Variants in MYBL1 observed in about 807,000 individuals in gnomAD.
The protein encoded by MYBL1 is myb-related protein A.
Under a neutral mutation model 96.3 loss-of-function variants are expected in MYBL1, and 17 were observed. The observed-to-expected ratio is 0.18, with a 90% confidence interval of 0.12 to 0.26. MYBL1 has a LOEUF of 0.26. MYBL1 is among the 10% of genes least tolerant of loss of function. The pLI, the probability that MYBL1 is intolerant of heterozygous loss-of-function variation, is 1.00. For missense variants in MYBL1, 701 were observed against 882.9 expected, an observed-to-expected ratio of 0.79 and a Z score of 2.61; for synonymous variants, 282 against 292.7, an observed-to-expected ratio of 0.96 and a Z score of 0.37.
chr8:66,579,001 G>A (rs1322103475), intron 9 of MYBL1, among the ~76,000 whole-genome samples: 3 of 152,110 alleles, frequency 2.0e-5, no homozygotes, highest in South Asian at 2.1e-4. Flanking sequence ...AACACTGCAT[G>A]TTCTCACTCA....
At chr8:66,607,879 G>C (rs935684417) in intron 1 of MYBL1, among the ~76,000 whole-genome samples, 1 of 152,094 alleles carries the variant, frequency 6.6e-6, no homozygotes, top group Non-Finnish European at 1.5e-5. Context: ...TAGCCCTCAG[G>C]CATGCTTTTC....
chr8:66,605,248 T>C (rs1810266938), intron 1 of MYBL1, among the ~76,000 whole-genome samples: 1 of 152,162 alleles, frequency 6.6e-6, no homozygotes, highest in Non-Finnish European at 1.5e-5. Context: ...TAGCCACAGT[T>C]CAAGAGCTCA....
At chr8:66,612,439 C>T (rs1810567785) in intron 1 of MYBL1, 1 of 254,450 alleles carries the variant, frequency 3.9e-6, no homozygotes, top group South Asian at 1.7e-4. Flanking sequence ...CGCCCGAACA[C>T]CATTTTCAAG....
intron 1 of MYBL1, among the ~76,000 whole-genome samples, chr8:66,605,411 A>G (rs1415111815): frequency 6.6e-6 from 1 of 152,220 alleles, no homozygotes; most frequent in Non-Finnish European, 1.5e-5. Context: ...GACCCAAGGA[A>G]AATTAATAAA....
rs529020525 is a variant in MYBL1, at chr8:66,566,856, C to T, written c.1845+20G>A. 151 of 1,593,928 alleles carry T rather than the reference C, an allele frequency of 9.5e-5. No homozygotes were observed. In the East Asian group the frequency reaches 3.3e-3, roughly 34 times the overall value. On this transcript the variant is annotated intron_variant, in intron 13 of 15. Transcript: ENST00000522677. ...TTGGATACAATAAGACTTTTATTAA[C>T]AATAATACTAGAAGATTACCTCTTG...
At chr8:66,573,644 T>C in intron 10 of MYBL1, 138 bp from the exon 11 acceptor site, 6 of 725,586 alleles carry the variant, frequency 8.3e-6, no homozygotes, top group Admixed American at 4.0e-5. Context: ...TTATACTCCA[T>C]GGAAATTATG....
chr8:66,564,840 T>G lies in MYBL1; in HGVS notation c.2131-15A>C. On this transcript the variant is annotated splice_polypyrimidine_tract_variant and intron_variant, in intron 15 of 15. Coordinates refer to ENST00000522677, the MANE Select transcript of MYBL1 (RefSeq NM_001080416.4). ...TCACAATTTGACTAGAAAGGAAATATTAATAGTGACATGAAAATTATTAAA... is the reference window on the plus strand; with the variant it reads ...TCACAATTTGACTAGAAAGGAAATAGTAATAGTGACATGAAAATTATTAAA... The G allele has an allele frequency of 6.5e-7, 1 of 1,530,980 alleles. No homozygotes were observed. Among genetic ancestry groups the G allele is most frequent in the African/African-American group, 1.4e-5 (1 of 73,166 alleles). 94.8% of individuals were successfully genotyped at this position (1,530,980 alleles called of 1,614,324 possible). A position where few individuals can be genotyped will look rare whatever the true frequency, so the allele number is the denominator to read the frequency against.
At position 66,562,192 on chromosome 8, in the gene MYBL1, G is replaced by A. The variant is rs189404028; in HGVS notation, c.*2505C>T. On this transcript the variant is annotated 3_prime_UTR_variant, in exon 16 of 16. Transcript: ENST00000522677. Reference sequence around the variant, plus strand: ...ATGCCAAGTCAGCTTGTACACAGATGCTTTATTTTGGATGTTAATATGTCA... The same window carrying A: ...ATGCCAAGTCAGCTTGTACACAGATACTTTATTTTGGATGTTAATATGTCA... The A allele has an allele frequency of 7.9e-5, 12 of 152,668 alleles. No individual in the cohort carries two copies. The highest frequency in any genetic ancestry group is 2.0e-4 in the Admixed American group (3 of 15,306). The allele number at this position is 152,668 out of a possible 1,614,324, so 9.5% of individuals were successfully genotyped here. A position where few individuals can be genotyped will look rare whatever the true frequency, so the allele number is the denominator to read the frequency against.
At position 66,564,702 on chromosome 8, in the gene MYBL1, G is replaced by T. The variant is rs1011192840; in HGVS notation, c.2254C>A (p.Leu752Met). ...ATSSTSRALI[L>M] ...TTCATCAATTTTAATAACAATTACA[G>T]TATGAGAGCTCTTGAAGTACTACTG... Residue 752 changes from leucine (L) to methionine (M), a missense_variant, in exon 16 of 16, where the codon CTG (leucine) becomes ATG (methionine). By Grantham distance (15) the Leu-to-Met change is conservative. Coordinates refer to ENST00000522677, the MANE Select transcript of MYBL1 (RefSeq NM_001080416.4). 4.4e-6 allele frequency: 7 copies of T among 1,576,852 alleles called. No individual in the cohort carries two copies. The East Asian group carries it at 1.6e-4, about 36-fold the overall frequency.
intron 8 of MYBL1, among the ~76,000 whole-genome samples, chr8:66,591,426 A>G (rs1354129291): frequency 1.3e-5 from 2 of 152,256 alleles, no homozygotes; most frequent in African/African-American, 2.4e-5. Context: ...CTTTTAACCA[A>G]TCTAGCATAA....
At chr8:66,583,513 T>C (rs1228195643) in intron 8 of MYBL1, among the ~76,000 whole-genome samples, 4 of 149,750 alleles carry the variant, frequency 2.7e-5, no homozygotes, top group Middle Eastern at 3.6e-3. Flanking sequence ...CAAATACAAA[T>C]AATCAATGAA....
In MYBL1 at chr8:66,595,566, GTATTAA is replaced by G. The variant is rs1021928241; in HGVS notation, c.687+11_687+16del. On this transcript the variant is annotated intron_variant, in intron 6 of 15. Transcript: ENST00000522677. ...TAAGAAAATTTTTTAAATAATAAAG[GTATTAA>G]AAGTATGTGCCTGAACAGGTATGTA... 13 of 1,440,974 alleles carry G rather than the reference GTATTAA, an allele frequency of 9.0e-6. No individual in the cohort carries two copies. Among genetic ancestry groups the G allele is most frequent in the Non-Finnish European group, 1.1e-5 (12 of 1,093,384 alleles). The allele number at this position is 1,440,974 out of a possible 1,614,324, so 89.3% of individuals were successfully genotyped here. A position where few individuals can be genotyped will look rare whatever the true frequency, so the allele number is the denominator to read the frequency against.
At chr8:66,603,468 C>G (rs1343627182) in intron 1 of MYBL1, among the ~76,000 whole-genome samples, 1 of 149,618 alleles carries the variant, frequency 6.7e-6, no homozygotes, top group Admixed American at 6.7e-5. Context: ...ATGTCTTGAA[C>G]AAATGGAAGA....
chr8:66,588,306 G>T (rs1809501423), intron 8 of MYBL1, among the ~76,000 whole-genome samples: 1 of 147,638 alleles, frequency 6.8e-6, no homozygotes. Flanking sequence ...TTGAGACAGG[G>T]TCTCACTCTG....
At position 66,562,716 on chromosome 8, in the gene MYBL1, A is replaced by G. The variant is rs775398307; in HGVS notation, c.*1981T>C. 1 of 152,528 alleles carries G rather than the reference A, an allele frequency of 6.6e-6. No homozygotes were observed. Among genetic ancestry groups the G allele is most frequent in the Non-Finnish European group, 1.5e-5 (1 of 68,004 alleles). The allele number at this position is 152,528 out of a possible 1,614,324, so 9.4% of individuals were successfully genotyped here. A position where few individuals can be genotyped will look rare whatever the true frequency, so the allele number is the denominator to read the frequency against. On this transcript the variant is annotated 3_prime_UTR_variant, in exon 16 of 16. Coordinates refer to ENST00000522677, the MANE Select transcript of MYBL1 (RefSeq NM_001080416.4). Reference sequence around the variant, plus strand: ...CAACAAAAAACCATTATGTGCTATTAGTTCAAGGTAACTGAAATGATCCAG... The same window carrying G: ...CAACAAAAAACCATTATGTGCTATTGGTTCAAGGTAACTGAAATGATCCAG...
intron 8 of MYBL1, among the ~76,000 whole-genome samples, chr8:66,587,252 G>A (rs746542971): frequency 3.9e-5 from 6 of 152,034 alleles, no homozygotes; most frequent in Admixed American, 6.6e-5. Context: ...TTGAGGTGAT[G>A]GATATGCTAA....
chr8:66,585,666 G>A (rs1007613955), intron 8 of MYBL1, among the ~76,000 whole-genome samples: 1 of 152,012 alleles, frequency 6.6e-6, no homozygotes, highest in Non-Finnish European at 1.5e-5. Flanking sequence ...CCTCCAAAAG[G>A]CGGAGGTTGC....
chr8:66,598,391 C>A (rs1809934692), intron 4 of MYBL1, among the ~76,000 whole-genome samples: 1 of 152,106 alleles, frequency 6.6e-6, no homozygotes, highest in Admixed American at 6.5e-5. Flanking sequence ...TAGCGAGATT[C>A]CATCTCTACT....
rs141676020 is a variant in MYBL1 at position 66,564,852 on chromosome 8, T to C, written c.2131-27A>G. 6.0e-4 allele frequency: 899 copies of C among 1,488,816 alleles called. 9 individuals carry two copies. In the African/African-American group the frequency reaches 9.3e-3, roughly 15 times the overall value. The allele number at this position is 1,488,816 out of a possible 1,614,324, so 92.2% of individuals were successfully genotyped here. On this transcript the variant is annotated intron_variant, in intron 15 of 15. Transcript: ENST00000522677. ...TAGAAAGGAAATATTAATAGTGACA[T>C]GAAAATTATTAAAATAGCTATCTAT...
Sources: gnomAD v4.1 joint callset for allele counts (sites outside exome capture counted in the v4.1 genomes callset) on GRCh38, gnomAD v4.1.1 for gene constraint, MANE v1.5 for transcripts, NCBI Gene and HGNC (gene_info 2026-07-23, HGNC 2026-07-21) for gene names.